Variants in STX1B observed in about 807,000 individuals in gnomAD.
STX1B encodes the protein syntaxin 1B, also known as syntaxin-1B.
STX1B carries 7 observed loss-of-function variants against 39.4 expected under a neutral mutation model. The ratio of observed to expected loss-of-function variants is 0.18; its 90% CI spans 0.10 to 0.33. STX1B has a LOEUF of 0.33. Ranked by LOEUF, STX1B falls within the 10% of genes least tolerant of loss-of-function variation. STX1B has a pLI of 1.00. For missense variants in STX1B, 198 were observed against 383.2 expected (o/e 0.52, Z 4.04); for synonymous variants, 136 against 144.1 (o/e 0.94, Z 0.40).
chr16:31,000,093 G>A (rs1333622727), intron 4 of STX1B, among the ~76,000 whole-genome samples: 1 of 151,778 alleles, frequency 6.6e-6, no homozygotes, highest in Non-Finnish European at 1.5e-5. Context: ...TGCCTCCCGG[G>A]TTCAAGTGAT....
chr16:31,007,026 C>T (rs1469021440), intron 1 of STX1B, among the ~76,000 whole-genome samples: 1 of 152,072 alleles, frequency 6.6e-6, no homozygotes, highest in African/African-American at 2.4e-5. Context: ...CAGGAGGATC[C>T]CTGGAGACCA....
intron 4 of STX1B, 65 bp downstream of exon 4, chr16:31,000,863 G>C (rs763197624): frequency 6.4e-7 from 1 of 1,564,218 alleles, no homozygotes; most frequent in African/African-American, 1.4e-5. Flanking sequence ...CCCTCCCAAA[G>C]GCCTGAGCCA....
chr16:31,000,972 G>A lies in STX1B; in HGVS notation c.236C>T (p.Ala79Val). ...CTTGTTGGCCGTCTTCTTGATGTCT[G>A]CAGTGAGATCCTCCAGCTCCTGTTT... is the stretch of plus-strand genomic sequence containing the variant. ...KTKQELEDLT[A>V]DIKKTANKVR... Residue 79 changes from alanine (A) to valine (V), a missense_variant, in exon 4 of 10, where the codon GCA becomes GTA. Ala to Val is a moderately conservative substitution (Grantham distance 64, BLOSUM62 0). Coordinates refer to ENST00000215095, the MANE Select transcript of STX1B (RefSeq NM_052874.5). 1 of 1,614,146 alleles carries A rather than the reference G, an allele frequency of 6.2e-7. No individual in the cohort carries two copies. The highest frequency in any genetic ancestry group is 8.5e-7 in the Non-Finnish European group (1 of 1,180,032).
intron 1 of STX1B, among the ~76,000 whole-genome samples, chr16:31,002,139 C>A (rs1041193328): frequency 6.6e-6 from 1 of 152,130 alleles, no homozygotes; most frequent in Non-Finnish European, 1.5e-5. Flanking sequence ...GAGATACGGG[C>A]AGCACCCCGA....
chr16:30,995,272 C>T (rs976492292), intron 7 of STX1B, among the ~76,000 whole-genome samples: 14 of 152,066 alleles, frequency 9.2e-5, no homozygotes, highest in Non-Finnish European at 1.8e-4. Flanking sequence ...GCCACCACAC[C>T]GGGCTGCTCA....
chr16:30,992,810 G>GC lies in STX1B; in HGVS notation c.*10_*11insG. 1 of 1,582,840 alleles carries GC rather than the reference G, an allele frequency of 6.3e-7. No individual in the cohort carries two copies. The highest frequency in any genetic ancestry group is 1.4e-5 in the African/African-American group (1 of 73,624). On this transcript the variant is annotated 3_prime_UTR_variant, in exon 10 of 10. Transcript: ENST00000215095. ...GGGGAAGGGTCTGGGAGAGAGAAGG[G>GC]TGGGGGGGGCCTACAAGCCCAGCGT...
At chr16:31,003,202 C>T (rs1022476242) in intron 1 of STX1B, among the ~76,000 whole-genome samples, 25 of 152,330 alleles carry the variant, frequency 1.6e-4, no homozygotes, top group Non-Finnish European at 5.9e-5. Context: ...TTCACACAGA[C>T]GCTGGGCCCA....
intron 1 of STX1B, among the ~76,000 whole-genome samples, chr16:31,002,260 A>G (rs1388871711): frequency 2.7e-5 from 4 of 149,480 alleles, no homozygotes; most frequent in Admixed American, 6.7e-5. Context: ...CCAACTTCAC[A>G]CCCACCTACT....
At chr16:30,998,515 C>G (rs1014022886) in intron 4 of STX1B, among the ~76,000 whole-genome samples, 2 of 152,216 alleles carry the variant, frequency 1.3e-5, no homozygotes, top group Non-Finnish European at 2.9e-5. Context: ...GGGGTCAAGT[C>G]CGGAGGGAGG....
At position 31,001,325 on chromosome 16, in the gene STX1B, C is replaced by T. The variant is rs2056627408; in HGVS notation, c.106-132G>A. On this transcript the variant is annotated intron_variant, in intron 2 of 9. Coordinates refer to ENST00000215095, the MANE Select transcript of STX1B (RefSeq NM_052874.5). The surrounding 1 kb of genome is among the most constrained non-coding windows in gnomAD (Gnocchi z 5.5). ...TAAAAGGCCAGGGAGGGTGCAGGAGCAGGGAAGTGGGGGACAGGGAAAAGG... is the reference window on the plus strand; with the variant it reads ...TAAAAGGCCAGGGAGGGTGCAGGAGTAGGGAAGTGGGGGACAGGGAAAAGG... 1 of 945,634 alleles carries T rather than the reference C, an allele frequency of 1.1e-6. No individual in the cohort carries two copies. The highest frequency in any genetic ancestry group is 1.6e-6 in the Non-Finnish European group (1 of 611,734). The allele number at this position is 945,634 out of a possible 1,614,324, so 58.6% of individuals were successfully genotyped here.
Position 30,996,687 on chromosome 16 carries a change from T to A in STX1B, c.533A>T (p.Asp178Val). Residue 178 changes from aspartate (D) to valine (V), a missense_variant, in exon 7 of 10, where the codon GAT becomes GTT. By Grantham distance (152) the Asp-to-Val change is radical. Transcript: ENST00000215095. ...LESGKLAIFT[D>V]DIKMDSQMTK... ...CCCGCCCCACCCGCGGCTCACGTCA[T>A]CTGTGAAGATGGCCAGCTTCCCGCT... 1.2e-6 allele frequency: 2 copies of A among 1,613,832 alleles called. No individual in the cohort carries two copies. The highest frequency in any genetic ancestry group is 1.7e-6 in the Non-Finnish European group (2 of 1,179,772).
At chr16:31,003,706 T>C (rs1351198711) in intron 1 of STX1B, among the ~76,000 whole-genome samples, 1 of 152,230 alleles carries the variant, frequency 6.6e-6, no homozygotes, top group Admixed American at 6.5e-5. Context: ...GGGCTACCTA[T>C]TTGTTTGCCC....
chr16:30,997,487 G>A lies in STX1B; in HGVS notation c.354+15C>T, dbSNP rs770406468. ...TGGGTCCCGACCCGACCCCCAATGG[G>A]CTGCCGCCTCCTACCTGGGTCTTGC... is the stretch of plus-strand genomic sequence containing the variant. On this transcript the variant is annotated intron_variant, in intron 5 of 9. Transcript: ENST00000215095. The A allele has an allele frequency of 6.9e-6, 11 of 1,594,202 alleles. No individual in the cohort carries two copies. In the African/African-American group the frequency reaches 1.2e-4, roughly 17 times the overall value.
chr16:31,008,409 C>A (rs2056665157), intron 1 of STX1B, among the ~76,000 whole-genome samples: 1 of 152,020 alleles, frequency 6.6e-6, no homozygotes, highest in South Asian at 2.1e-4. Context: ...CCTCCCCTGC[C>A]TCCCCCTTAC....
At chr16:31,002,050 A>T (rs1003369950) in intron 1 of STX1B, among the ~76,000 whole-genome samples, 5 of 151,884 alleles carry the variant, frequency 3.3e-5, no homozygotes, top group Non-Finnish European at 5.9e-5. Flanking sequence ...GCCCCACCTG[A>T]CCAGACATGT....
At position 31,001,081 on chromosome 16, in the gene STX1B, C is replaced by T; in HGVS notation, c.205+13G>A. Reference sequence around the variant, plus strand: ...TCTCCTCCCACCCCACAGTCACCGGCAGCCACACTCACTCTCATCTGGGTT... The same window carrying T: ...TCTCCTCCCACCCCACAGTCACCGGTAGCCACACTCACTCTCATCTGGGTT... On this transcript the variant is annotated intron_variant, in intron 3 of 9. Coordinates refer to ENST00000215095, the MANE Select transcript of STX1B (RefSeq NM_052874.5). This position sits in a 1 kb window ranked among gnomAD's most constrained non-coding sequence, Gnocchi z 5.5. The T allele has an allele frequency of 6.2e-7, 1 of 1,614,118 alleles. No individual in the cohort carries two copies.
chr16:30,993,358 C>T lies in STX1B; in HGVS notation c.664G>A (p.Val222Ile), dbSNP rs2143661775. ...HDMFVDMAML[V>I]ESQGEMIDRI... ...GGCAGAGCCAGTACCTGGCTCTCTA[C>T]GAGCATGGCCATGTCCACAAACATA... Residue 222 changes from valine (V) to isoleucine (I), a missense_variant, in exon 8 of 10, where the codon GTA becomes ATA. Physicochemically the swap from Val to Ile is conservative, Grantham distance 29. Coordinates refer to ENST00000215095, the MANE Select transcript of STX1B (RefSeq NM_052874.5). 1 of 1,614,200 alleles carries T rather than the reference C, an allele frequency of 6.2e-7. No homozygotes were observed. Among genetic ancestry groups the T allele is most frequent in the Non-Finnish European group, 8.5e-7 (1 of 1,180,036 alleles).
At chr16:30,992,953 C>G (rs766828463) in intron 9 of STX1B, 52 bp from the exon 10 acceptor site, 4 of 1,495,802 alleles carry the variant, frequency 2.7e-6, no homozygotes, top group Non-Finnish European at 3.7e-6. Flanking sequence ...GATCGACACA[C>G]GGACAGATGC....
At chr16:30,993,610 G>T (rs1443528609) in intron 7 of STX1B, 126 bp from the exon 8 acceptor site, 5 of 1,046,306 alleles carry the variant, frequency 4.8e-6, no homozygotes, top group South Asian at 1.5e-5. Context: ...TTATTCACCT[G>T]CTCTTGGCCT....
Sources: gnomAD v4.1 joint callset for allele counts (sites outside exome capture counted in the v4.1 genomes callset) on GRCh38, gnomAD v4.1.1 for gene constraint, Gnocchi (gnomAD v3.1) non-coding constraint, MANE v1.5 for transcripts, NCBI Gene and HGNC (gene_info 2026-07-23, HGNC 2026-07-21) for gene names.